Variants in ZFHX3 observed in about 807,000 individuals in gnomAD.
ZFHX3 encodes the protein zinc finger homeobox protein 3.
In ZFHX3, 42 loss-of-function variants were observed where a neutral mutation model predicts 279.1. The observed-to-expected ratio is 0.15, with a 90% CI of 0.12 to 0.19. The LOEUF (loss-of-function observed/expected upper bound fraction) is 0.19, where lower values mean the gene tolerates loss of function less well. Ranked by LOEUF, ZFHX3 falls within the 10% of genes least tolerant of loss-of-function variation. The pLI is 1.00. For missense variants in ZFHX3, 4,981 were observed against 4,754.0 expected, an observed-to-expected ratio of 1.05 and a Z score of -1.40; for synonymous variants, 2,293 against 1,957.8, an observed-to-expected ratio of 1.17 and a Z score of -4.52.
intron 5 of ZFHX3, among the ~76,000 whole-genome samples, chr16:73,234,280 G>C (rs1297490601): frequency 6.6e-6 from 1 of 152,166 alleles, no homozygotes; most frequent in African/African-American, 2.4e-5. Flanking sequence ...TTAAATGCAG[G>C]AGATGAAATT....
At chr16:73,457,133 A>G (rs1307869429) in intron 2 of ZFHX3, among the ~76,000 whole-genome samples, 3 of 152,142 alleles carry the variant, frequency 2.0e-5, no homozygotes, top group South Asian at 2.1e-4. Context: ...CCTTTCCTGC[A>G]CCACCTCCCC....
intron 2 of ZFHX3, among the ~76,000 whole-genome samples, chr16:73,643,023 G>T (rs1670513650): frequency 6.6e-6 from 1 of 152,118 alleles, no homozygotes; most frequent in South Asian, 2.1e-4. Context: ...TAATTTTAAA[G>T]AAAAATCCCC....
At chr16:73,163,278 A>C (rs902014960) in intron 5 of ZFHX3, among the ~76,000 whole-genome samples, 1 of 152,214 alleles carries the variant, frequency 6.6e-6, no homozygotes, top group African/African-American at 2.4e-5. Context: ...TAAAGACCTA[A>C]CAATGAGTCC....
At chr16:73,564,647 A>G (rs1285568826) in intron 2 of ZFHX3, among the ~76,000 whole-genome samples, 1 of 152,038 alleles carries the variant, frequency 6.6e-6, no homozygotes, top group East Asian at 1.9e-4. Flanking sequence ...GTATTCTATA[A>G]TCAGGCCCTC....
chr16:73,819,003 C>A (rs1960658736), intron 1 of ZFHX3, among the ~76,000 whole-genome samples: 1 of 152,124 alleles, frequency 6.6e-6, no homozygotes, highest in Non-Finnish European at 1.5e-5. Flanking sequence ...CTGGGAAGCA[C>A]AATGAAGTTG....
intron 1 of ZFHX3, among the ~76,000 whole-genome samples, chr16:73,703,147 A>C (rs1462571952): frequency 6.6e-6 from 1 of 152,180 alleles, no homozygotes; most frequent in East Asian, 1.9e-4. Context: ...AGTAATGCAG[A>C]GGCTGCTTTC....
chr16:73,098,175 C>T (rs1966189067), intron 7 of ZFHX3, among the ~76,000 whole-genome samples: 1 of 150,972 alleles, frequency 6.6e-6, no homozygotes, highest in Admixed American at 6.6e-5. Flanking sequence ...TCAAGCGATT[C>T]TCCTGCCTCA....
rs145888204 is a variant in ZFHX3 at position 72,847,236 on chromosome 16, G to C, written c.3449-17377C>G. Among the ~76,000 whole-genome samples, 34 of 152,320 alleles carry C rather than the reference G, an allele frequency of 2.2e-4. 1 individual carries two copies. Among genetic ancestry groups the C allele is most frequent in the African/African-American group, 6.5e-4 (27 of 41,566 alleles). ...AGTACAAAATGAATTTGGTATTGAGGATGAAGGGGGGACTTTATTTTTCTC... is the reference window on the plus strand; with the variant it reads ...AGTACAAAATGAATTTGGTATTGAGCATGAAGGGGGGACTTTATTTTTCTC... On this transcript the variant is annotated intron_variant, in intron 4 of 9. Transcript: ENST00000268489.
intron 3 of ZFHX3, among the ~76,000 whole-genome samples, chr16:73,443,173 G>C (rs1012138524): frequency 5.9e-5 from 9 of 152,182 alleles, no homozygotes; most frequent in African/African-American, 2.2e-4. Context: ...TGGATCTGAA[G>C]CTTTCTTTAT....
chr16:73,422,877 A>G (rs142563009), intron 3 of ZFHX3, among the ~76,000 whole-genome samples: 4 of 152,298 alleles, frequency 2.6e-5, no homozygotes, highest in African/African-American at 9.6e-5. Flanking sequence ...GGCTGTAGAA[A>G]TTCATTTTCT....
rs184442132 is a variant in ZFHX3, at chr16:73,542,878, G to C, written c.-1546-86620C>G. On this transcript the variant is annotated intron_variant, in intron 2 of 17. Transcript: ENST00000641206. Reference sequence around the variant, plus strand: ...AGCGTGTGTGTGTGTGTGTTGGGAAGGGGTTAGAGCAATGGAACTTCACTC... The same window carrying C: ...AGCGTGTGTGTGTGTGTGTTGGGAACGGGTTAGAGCAATGGAACTTCACTC... Among the ~76,000 whole-genome samples the C allele has an allele frequency of 2.7e-3, 409 of 152,290 alleles. 1 individual carries two copies. The highest frequency in any genetic ancestry group is 6.8e-3 in the Middle Eastern group (2 of 294).
chr16:73,249,536 C>T (rs191623320), intron 5 of ZFHX3, among the ~76,000 whole-genome samples: 18 of 152,218 alleles, frequency 1.2e-4, no homozygotes, highest in Non-Finnish European at 1.5e-4. Context: ...ATGACTACCA[C>T]GAGAAGAGTA....
At chr16:73,191,283 T>A (rs1444908622) in intron 5 of ZFHX3, among the ~76,000 whole-genome samples, 4 of 152,188 alleles carry the variant, frequency 2.6e-5, no homozygotes, top group Non-Finnish European at 4.4e-5. Flanking sequence ...ATGTCTGTGT[T>A]GAACGTTCCG....
At chr16:73,193,249 G>C (rs1666564174) in intron 5 of ZFHX3, among the ~76,000 whole-genome samples, 1 of 152,174 alleles carries the variant, frequency 6.6e-6, no homozygotes, top group African/African-American at 2.4e-5. Context: ...CTATAACCTA[G>C]TCTTGTGACC....
At chr16:73,174,129 T>C (rs1008028039) in intron 5 of ZFHX3, among the ~76,000 whole-genome samples, 2 of 152,166 alleles carry the variant, frequency 1.3e-5, no homozygotes, top group Non-Finnish European at 2.9e-5. Flanking sequence ...CCACCTTTTT[T>C]TCCTTAACTT....
rs768410525 is a variant in ZFHX3, at chr16:73,070,938, GCACACACA to G, written c.-532-11934_-532-11927del. 2.4e-3 allele frequency among the ~76,000 whole-genome samples: 54 copies of G among 22,616 alleles called. No homozygotes were observed. The East Asian group carries it at 0.052, about 22-fold the overall frequency. The allele number at this position is 22,616 out of a possible 152,430, so 14.8% of individuals were successfully genotyped here. On this transcript the variant is annotated intron_variant, in intron 8 of 17. Transcript: ENST00000641206. ...CTTGCGCGCGCGCGCGCGCGCGCGC[GCACACACA>G]CACACACACACACACACACACACAC...
At chr16:73,597,110 C>T (rs988299483) in intron 2 of ZFHX3, among the ~76,000 whole-genome samples, 3 of 152,288 alleles carry the variant, frequency 2.0e-5, no homozygotes, top group Admixed American at 1.3e-4. Flanking sequence ...TGTGCACCAC[C>T]GATTTGCACC....
At chr16:72,799,935 T>A (rs1805487853) in intron 8 of ZFHX3, 92 bp downstream of exon 8, 2 of 1,119,274 alleles carry the variant, frequency 1.8e-6, no homozygotes, top group Non-Finnish European at 2.7e-6. Flanking sequence ...ACCTTAAGAG[T>A]ATTGTAAAGA....
intron 1 of ZFHX3, among the ~76,000 whole-genome samples, chr16:73,800,150 CA>C (rs1960101595): frequency 6.6e-6 from 1 of 152,022 alleles, no homozygotes; most frequent in Non-Finnish European, 1.5e-5. Flanking sequence ...TCATAAGCCT[CA>C]GACATGTATT....
Sources: gnomAD v4.1 joint callset for allele counts (sites outside exome capture counted in the v4.1 genomes callset) on GRCh38, gnomAD v4.1.1 for gene constraint, MANE v1.5 for transcripts, NCBI Gene and HGNC (gene_info 2026-07-23, HGNC 2026-07-21) for gene names.